Variants in GRM8 observed in about 807,000 individuals in gnomAD.
GRM8 encodes the protein metabotropic glutamate receptor 8.
A neutral mutation model predicts 87.2 loss-of-function variants in GRM8; 47 were observed. That is an observed-to-expected ratio of 0.54 (90% CI 0.43 to 0.69). The LOEUF is 0.69. GRM8 is among the 30% of genes least tolerant of loss of function. The pLI is 0.00. For synonymous variants in GRM8, 396 were observed against 404.5 expected, an observed-to-expected ratio of 0.98 and a Z score of 0.25; for missense variants, 1,019 against 1,139.2, an observed-to-expected ratio of 0.89 and a Z score of 1.52.
intron 6 of GRM8, among the ~76,000 whole-genome samples, chr7:126,834,824 G>C (rs1795691165): frequency 6.6e-6 from 1 of 152,060 alleles, no homozygotes; most frequent in African/African-American, 2.4e-5. Flanking sequence ...TTATAGGCTG[G>C]GTTGGGGCTC....
chr7:126,986,567 A>G (rs1451622305), intron 3 of GRM8, among the ~76,000 whole-genome samples: 1 of 152,202 alleles, frequency 6.6e-6, no homozygotes, highest in Non-Finnish European at 1.5e-5. Context: ...GCACTTTTAT[A>G]TTTGTTACTC....
At chr7:127,212,415 T>TA (rs1202174998) in intron 2 of GRM8, among the ~76,000 whole-genome samples, 4 of 88,194 alleles carry the variant, frequency 4.5e-5, no homozygotes, top group Non-Finnish European at 1.2e-4. Flanking sequence ...GTGTTATTTT[T>TA]TTTTTTTTTT....
intron 3 of GRM8, among the ~76,000 whole-genome samples, chr7:127,073,134 C>T (rs913139802): frequency 6.6e-6 from 1 of 152,102 alleles, no homozygotes; most frequent in African/African-American, 2.4e-5. Context: ...CAAACACCAC[C>T]CGATTCCAGC....
intron 8 of GRM8, among the ~76,000 whole-genome samples, chr7:126,600,369 T>C (rs775208126): frequency 2.0e-5 from 3 of 152,108 alleles, no homozygotes; most frequent in Non-Finnish European, 4.4e-5. Context: ...GAAGGCCTGA[T>C]TTTTCATATG....
rs115591838 is a variant in GRM8, at chr7:126,971,333, A to T, written c.728-66650T>A. On this transcript the variant is annotated intron_variant, in intron 3 of 10. Coordinates refer to ENST00000339582, the MANE Select transcript of GRM8 (RefSeq NM_000845.3). ...AATGTTAAAAACAAATAACCAAAGA[A>T]TAGGAGGGAAATAATAATAACAATG... 9.0e-3 allele frequency among the ~76,000 whole-genome samples: 1,371 copies of T among 152,220 alleles called. 22 individuals carry two copies. Among genetic ancestry groups the T allele is most frequent in the African/African-American group, 0.031 (1,295 of 41,532 alleles).
At chr7:126,784,739 C>G (rs1820453882) in intron 6 of GRM8, among the ~76,000 whole-genome samples, 1 of 151,986 alleles carries the variant, frequency 6.6e-6, no homozygotes, top group Non-Finnish European at 1.5e-5. Flanking sequence ...ATTATTATTA[C>G]CGTTTTTTAG....
At chr7:127,059,482 G>T (rs1820400531) in intron 3 of GRM8, among the ~76,000 whole-genome samples, 4 of 151,838 alleles carry the variant, frequency 2.6e-5, no homozygotes, top group Non-Finnish European at 5.9e-5. Context: ...AATTACAGGT[G>T]CACGCCACCA....
At chr7:126,759,454 A>G (rs1817361727) in intron 7 of GRM8, among the ~76,000 whole-genome samples, 2 of 152,062 alleles carry the variant, frequency 1.3e-5, no homozygotes, top group Admixed American at 1.3e-4. Context: ...AATGAACCCC[A>G]CCTGGTCCAT....
chr7:126,830,411 A>C (rs78489294), intron 6 of GRM8, among the ~76,000 whole-genome samples: 2 of 151,406 alleles, frequency 1.3e-5, no homozygotes, highest in East Asian at 1.9e-4. Flanking sequence ...TCTTTTTATT[A>C]TTTTTTCTCT....
At chr7:126,644,363 T>C (rs1006024691) in intron 7 of GRM8, among the ~76,000 whole-genome samples, 1 of 152,228 alleles carries the variant, frequency 6.6e-6, no homozygotes, top group African/African-American at 2.4e-5. Flanking sequence ...ACATCATCCC[T>C]TGGCTTTTAT....
At chr7:126,500,015 T>G (rs934641597) in intron 9 of GRM8, among the ~76,000 whole-genome samples, 1 of 151,948 alleles carries the variant, frequency 6.6e-6, no homozygotes, top group African/African-American at 2.4e-5. Context: ...CGTAGAAAGA[T>G]CAAATCAGGC....
chr7:126,912,627 T>G (rs1253274726), intron 3 of GRM8, among the ~76,000 whole-genome samples: 1 of 152,202 alleles, frequency 6.6e-6, no homozygotes, highest in African/African-American at 2.4e-5. Flanking sequence ...CAGCTCTCTG[T>G]AGCCAGGGCA....
At chr7:126,932,305 T>A (rs1376186173) in intron 3 of GRM8, among the ~76,000 whole-genome samples, 1 of 152,128 alleles carries the variant, frequency 6.6e-6, no homozygotes, top group Non-Finnish European at 1.5e-5. Context: ...ATGCCAAAAG[T>A]AAGGAAGTTA....
intron 8 of GRM8, among the ~76,000 whole-genome samples, chr7:126,549,381 A>C (rs1051935220): frequency 9.9e-5 from 15 of 152,170 alleles, no homozygotes; most frequent in African/African-American, 3.1e-4. Context: ...AAAGCCCAAT[A>C]AAATTCAAGC....
chr7:126,616,090 T>C (rs1403780817), intron 7 of GRM8, among the ~76,000 whole-genome samples: 2 of 152,058 alleles, frequency 1.3e-5, no homozygotes, highest in Non-Finnish European at 2.9e-5. Context: ...CAGCACCACA[T>C]CACACTTATT....
intron 7 of GRM8, among the ~76,000 whole-genome samples, chr7:126,750,380 A>G (rs1449122217): frequency 6.6e-6 from 1 of 152,154 alleles, no homozygotes. Flanking sequence ...GTTCTAAATC[A>G]TAACTGCAGT....
intron 3 of GRM8, among the ~76,000 whole-genome samples, chr7:127,095,223 G>T (rs1373264228): frequency 1.3e-5 from 2 of 152,198 alleles, no homozygotes; most frequent in African/African-American, 4.8e-5. Context: ...ACAGAGAGGG[G>T]CTCAGGGTTC....
chr7:126,583,052 A>C (rs1795756403), intron 8 of GRM8, among the ~76,000 whole-genome samples: 1 of 152,146 alleles, frequency 6.6e-6, no homozygotes, highest in African/African-American at 2.4e-5. Context: ...TTCATGTCTT[A>C]TTACTTAAGA....
intron 3 of GRM8, among the ~76,000 whole-genome samples, chr7:127,064,709 C>A (rs1388153312): frequency 1.3e-5 from 2 of 152,124 alleles, no homozygotes; most frequent in Non-Finnish European, 2.9e-5. Flanking sequence ...GGGCAAAGGA[C>A]ATGAACAGAC....
Sources: allele counts gnomAD v4.1 joint callset (sites outside exome capture counted in the v4.1 genomes callset), GRCh38; gene constraint gnomAD v4.1.1; transcripts MANE v1.5; gene names NCBI Gene and HGNC (gene_info 2026-07-23, HGNC 2026-07-21).